Variants in DNM3 observed in about 807,000 individuals in gnomAD.
DNM3 encodes the protein dynamin-3.
DNM3 carries 47 observed loss-of-function variants against 101.6 expected under a neutral mutation model. That is an observed-to-expected ratio of 0.46 (90% CI 0.37 to 0.59). The LOEUF (loss-of-function observed/expected upper bound fraction) is 0.59, where lower values mean the gene tolerates loss of function less well. DNM3 is among the 20% of genes least tolerant of loss of function. The probability of loss-of-function intolerance (pLI) is 0.00; values close to 1 mark genes in which losing one functional copy is unlikely to be tolerated. For synonymous variants in DNM3, 385 were observed against 387.9 expected (o/e 0.99, Z 0.09); for missense variants, 849 against 1,085.7 (o/e 0.78, Z 3.06).
chr1:172,190,011 C>CTTTTTT (rs61413095), intron 14 of DNM3, among the ~76,000 whole-genome samples: 1 of 134,440 alleles, frequency 7.4e-6, no homozygotes, highest in African/African-American at 2.8e-5. Context: ...AATCACATTT[C>CTTTTTT]TTTTTTTTTT....
At chr1:171,988,809 C>T (rs1460288725) in intron 3 of DNM3, 136 bp from the exon 4 acceptor site, 2 of 646,548 alleles carry the variant, frequency 3.1e-6, no homozygotes, top group South Asian at 3.1e-5. Flanking sequence ...TTATTTTATG[C>T]TCTTTATTCT....
chr1:171,925,043 G>C (rs1038599908), intron 2 of DNM3, among the ~76,000 whole-genome samples: 1 of 151,604 alleles, frequency 6.6e-6, no homozygotes, highest in African/African-American at 2.4e-5. Flanking sequence ...GGGATTACAG[G>C]TGCCCACCAC....
chr1:172,048,219 C>T (rs534285363), intron 9 of DNM3, among the ~76,000 whole-genome samples: 1 of 152,244 alleles, frequency 6.6e-6, no homozygotes, highest in Admixed American at 6.5e-5. Flanking sequence ...TGGGAACTAT[C>T]TGTAATATAG....
chr1:172,002,811 A>T (rs193283074), intron 4 of DNM3, among the ~76,000 whole-genome samples: 1 of 152,180 alleles, frequency 6.6e-6, no homozygotes, highest in Non-Finnish European at 1.5e-5. Context: ...AAAAAGTAAG[A>T]ACAAAAGAAA....
At chr1:171,993,638 T>G (rs1253988983) in intron 4 of DNM3, among the ~76,000 whole-genome samples, 2 of 152,010 alleles carry the variant, frequency 1.3e-5, no homozygotes, top group African/African-American at 4.8e-5. Context: ...TGATAAATTT[T>G]CAGCCATTAT....
chr1:172,300,037 C>T (rs980807397), intron 15 of DNM3, among the ~76,000 whole-genome samples: 1 of 152,186 alleles, frequency 6.6e-6, no homozygotes, highest in African/African-American at 2.4e-5. Context: ...TCCTCAGCCT[C>T]ACCAACATCT....
intron 15 of DNM3, among the ~76,000 whole-genome samples, chr1:172,288,127 T>C (rs1374603038): frequency 6.6e-6 from 1 of 152,176 alleles, no homozygotes; most frequent in African/African-American, 2.4e-5. Flanking sequence ...TCCCCTATTC[T>C]CATGGAATTC....
At chr1:172,289,783 T>G (rs1259941470) in intron 15 of DNM3, 1 of 985,132 alleles carries the variant, frequency 1.0e-6, no homozygotes, top group Non-Finnish European at 1.2e-6. Flanking sequence ...TAATTATACT[T>G]TTGAGTTACT....
chr1:172,294,275 G>A (rs1448861852), intron 15 of DNM3, among the ~76,000 whole-genome samples: 1 of 151,912 alleles, frequency 6.6e-6, no homozygotes, highest in Non-Finnish European at 1.5e-5. Context: ...GCTTGTTTTG[G>A]TTTATCCTTT....
intron 14 of DNM3, among the ~76,000 whole-genome samples, chr1:172,191,992 C>T (rs1290807544): frequency 6.6e-6 from 1 of 152,114 alleles, no homozygotes. Context: ...TTATTTCTTT[C>T]TCCTGCCTGA....
At chr1:172,405,612 A>C (rs1044255363) in intron 20 of DNM3, among the ~76,000 whole-genome samples, 1 of 152,054 alleles carries the variant, frequency 6.6e-6, no homozygotes, top group South Asian at 2.1e-4. Context: ...GTCTAAAATC[A>C]ACTTTTTATT....
chr1:171,865,420 A>G (rs1050607670), intron 1 of DNM3, among the ~76,000 whole-genome samples: 1 of 150,500 alleles, frequency 6.6e-6, no homozygotes, highest in Non-Finnish European at 1.5e-5. Context: ...AGAGGCTGAG[A>G]CTGGAGGATC....
intron 1 of DNM3, among the ~76,000 whole-genome samples, chr1:171,902,188 A>T (rs2038420570): frequency 6.6e-6 from 1 of 152,234 alleles, no homozygotes; most frequent in Non-Finnish European, 1.5e-5. Flanking sequence ...ATTCTAAACT[A>T]TAGTTTGCCC....
At chr1:172,023,795 G>A (rs2048005219) in intron 4 of DNM3, among the ~76,000 whole-genome samples, 2 of 147,876 alleles carry the variant, frequency 1.4e-5, no homozygotes, top group South Asian at 4.2e-4. Context: ...TGGAATGTCA[G>A]TTATTCAAAT....
chr1:172,155,899 T>C (rs1028305401), intron 14 of DNM3, among the ~76,000 whole-genome samples: 4 of 152,068 alleles, frequency 2.6e-5, no homozygotes, highest in Non-Finnish European at 5.9e-5. Flanking sequence ...GCTAAACCAT[T>C]GGTTGTTGTT....
chr1:172,067,275 G>T (rs2125930636), intron 10 of DNM3, among the ~76,000 whole-genome samples: 1 of 152,052 alleles, frequency 6.6e-6, no homozygotes, highest in South Asian at 2.1e-4. Context: ...TTATTAATTT[G>T]CAAGCACTTT....
At chr1:171,946,242 A>C (rs187791806) in intron 2 of DNM3, among the ~76,000 whole-genome samples, 4 of 152,286 alleles carry the variant, frequency 2.6e-5, no homozygotes, top group African/African-American at 9.6e-5. Flanking sequence ...AAACTGACAA[A>C]AGACAGATTA....
At chr1:172,140,515 A>G (rs2057514837) in intron 14 of DNM3, 1 of 152,016 alleles carries the variant, frequency 6.6e-6, no homozygotes, top group Admixed American at 6.6e-5. Flanking sequence ...AATTACTATA[A>G]TTCTTTATAA....
At chr1:172,140,701 A>C (rs2057526085) in intron 14 of DNM3, 3 of 152,008 alleles carry the variant, frequency 2.0e-5, no homozygotes, top group Non-Finnish European at 4.4e-5. Context: ...GAAAAACCAC[A>C]ACAGTTTTTC....
Sources: allele counts gnomAD v4.1 joint callset (sites outside exome capture counted in the v4.1 genomes callset), GRCh38; gene constraint gnomAD v4.1.1; transcripts MANE v1.5; gene names NCBI Gene and HGNC (gene_info 2026-07-23, HGNC 2026-07-21).